Variants in PLPPR1 observed in about 807,000 individuals in gnomAD.
PLPPR1 encodes the protein phospholipid phosphatase-related protein type 1.
PLPPR1 carries 10 observed loss-of-function variants against 33.1 expected under a neutral mutation model. The ratio of observed to expected loss-of-function variants is 0.30; its 90% confidence interval spans 0.19 to 0.51. The LOEUF is 0.51. PLPPR1 is among the 20% of genes least tolerant of loss of function. The pLI, the probability that PLPPR1 is intolerant of heterozygous loss-of-function variation, is 0.97. For synonymous variants in PLPPR1, 151 were observed against 151.0 expected (o/e 1.00, Z 0.00); for missense variants, 304 against 408.1 (o/e 0.74, Z 2.20).
intron 7 of PLPPR1, 143 bp from the exon 8 acceptor site, chr9:101,323,882 G>A (rs373804699): frequency 2.1e-5 from 11 of 521,626 alleles, no homozygotes; most frequent in East Asian, 9.4e-5. Context: ...GGAAATTCAG[G>A]GGCCTTGGAA....
At chr9:101,124,180 C>G (rs1301194454) in intron 1 of PLPPR1, among the ~76,000 whole-genome samples, 1 of 152,172 alleles carries the variant, frequency 6.6e-6, no homozygotes, top group Non-Finnish European at 1.5e-5. Flanking sequence ...TTTCTTAGCC[C>G]TTATTCAAAC....
chr9:101,238,428 C>T (rs1827378788), intron 2 of PLPPR1, among the ~76,000 whole-genome samples: 3 of 147,876 alleles, frequency 2.0e-5, no homozygotes, highest in Admixed American at 1.4e-4. Context: ...TATATATGCA[C>T]ACAATGGAAT....
At position 101,324,224 on chromosome 9, in the gene PLPPR1, A is replaced by ATTTTT; in HGVS notation, c.*181_*185dup. Reference sequence around the variant, plus strand: ...TGAGGAAGTGATGTAGCTTGCCCTGATTTTTTTTTTTTTTTTTTGGTCAGC... The same window carrying ATTTTT: ...TGAGGAAGTGATGTAGCTTGCCCTGATTTTTTTTTTTTTTTTTTTTTTTGGTCAGC... On this transcript the variant is annotated 3_prime_UTR_variant, in exon 8 of 8. Transcript: ENST00000374874. 2.8e-6 allele frequency: 1 copy of ATTTTT among 357,224 alleles called. No individual in the cohort carries two copies. The allele number at this position is 357,224 out of a possible 1,614,324, so 22.1% of individuals were successfully genotyped here.
chr9:101,101,648 A>G, intron 1 of PLPPR1, among the ~76,000 whole-genome samples: 1 of 152,214 alleles, frequency 6.6e-6, no homozygotes, highest in East Asian at 1.9e-4. Context: ...GATGAATGAA[A>G]CGATAAACAA....
chr9:101,261,228 C>T (rs1202615438), intron 2 of PLPPR1, among the ~76,000 whole-genome samples: 1 of 152,126 alleles, frequency 6.6e-6, no homozygotes, highest in Non-Finnish European at 1.5e-5. Context: ...ATTACATGGG[C>T]AATCAGTAAG....
intron 1 of PLPPR1, among the ~76,000 whole-genome samples, chr9:101,042,910 T>G (rs1190353899): frequency 1.3e-5 from 2 of 152,194 alleles, no homozygotes; most frequent in Non-Finnish European, 2.9e-5. Flanking sequence ...TCTCCAGAGC[T>G]GCTTTCCCTT....
At chr9:101,323,610 C>G (rs147686275) in intron 7 of PLPPR1, among the ~76,000 whole-genome samples, 4 of 151,798 alleles carry the variant, frequency 2.6e-5, no homozygotes, top group African/African-American at 9.7e-5. Flanking sequence ...GAGGCTGGGG[C>G]GGGTGGATCA....
At chr9:101,088,285 A>T (rs190566977) in intron 1 of PLPPR1, among the ~76,000 whole-genome samples, 33 of 152,296 alleles carry the variant, frequency 2.2e-4, no homozygotes, top group African/African-American at 7.9e-4. Flanking sequence ...CAAATTTCCA[A>T]TATGTGCAAT....
At position 101,324,102 on chromosome 9, in the gene PLPPR1, T is replaced by A; in HGVS notation, c.*45T>A. The A allele has an allele frequency of 1.3e-6, 2 of 1,542,606 alleles. No individual in the cohort carries two copies. Among genetic ancestry groups the A allele is most frequent in the Non-Finnish European group, 1.8e-6 (2 of 1,116,774 alleles). On this transcript the variant is annotated 3_prime_UTR_variant, in exon 8 of 8. Coordinates refer to ENST00000374874, the MANE Select transcript of PLPPR1 (RefSeq NM_207299.2). ...GCTGTTTTTTAAAATCATCTTCCAA[T>A]TCTATACTTCAAAACACACAGTTGC...
chr9:101,283,107 G>A (rs931813319), intron 3 of PLPPR1, among the ~76,000 whole-genome samples: 4 of 151,972 alleles, frequency 2.6e-5, no homozygotes, highest in African/African-American at 4.8e-5. Context: ...AAAGTGCTAC[G>A]ATCACAGCCG....
At chr9:101,113,632 AAAAAAAC>A (rs1039501363) in intron 1 of PLPPR1, among the ~76,000 whole-genome samples, 91 of 151,108 alleles carry the variant, frequency 6.0e-4, no homozygotes, top group African/African-American at 1.8e-3. Context: ...CAGAAAAAAC[AAAAAAAC>A]AAAAAACAAA....
chr9:101,219,087 G>A (rs1164839090), intron 2 of PLPPR1, among the ~76,000 whole-genome samples: 2 of 152,200 alleles, frequency 1.3e-5, no homozygotes, highest in East Asian at 3.8e-4. Flanking sequence ...CCTCCATCCG[G>A]CTTCTCCCCT....
In PLPPR1 at chr9:101,245,670, C is replaced by G. The variant is rs373689383; in HGVS notation, c.64-24210C>G. Among the ~76,000 whole-genome samples, 11 of 151,776 alleles carry G rather than the reference C, an allele frequency of 7.2e-5. No individual in the cohort carries two copies. The East Asian group carries it at 7.8e-4, about 11-fold the overall frequency. On this transcript the variant is annotated intron_variant, in intron 2 of 7. Transcript: ENST00000374874. ...ACTTGGGAGAGCTCTGTATTCTTACCCAGGTTCTTTTGTTTTCTCTGGAAC... is the reference window on the plus strand; with the variant it reads ...ACTTGGGAGAGCTCTGTATTCTTACGCAGGTTCTTTTGTTTTCTCTGGAAC...
intron 2 of PLPPR1, among the ~76,000 whole-genome samples, chr9:101,201,103 T>C (rs1161020456): frequency 2.0e-5 from 3 of 152,182 alleles, no homozygotes; most frequent in Non-Finnish European, 1.5e-5. Flanking sequence ...CTGCATCCTC[T>C]GGAGGGGACA....
At chr9:101,238,984 GTTTCTC>G (rs1474798053) in intron 2 of PLPPR1, among the ~76,000 whole-genome samples, 3 of 147,556 alleles carry the variant, frequency 2.0e-5, no homozygotes, top group African/African-American at 7.5e-5. Flanking sequence ...CACATGCAGT[GTTTCTC>G]TTTCTGTGCC....
At chr9:101,132,492 C>T (rs1048315865) in intron 1 of PLPPR1, among the ~76,000 whole-genome samples, 13 of 151,968 alleles carry the variant, frequency 8.6e-5, no homozygotes, top group African/African-American at 3.1e-4. Context: ...CAGTGGTTAC[C>T]AGGAGTTGGG....
intron 1 of PLPPR1, among the ~76,000 whole-genome samples, chr9:101,161,273 A>G (rs1334919908): frequency 1.3e-5 from 2 of 152,202 alleles, no homozygotes; most frequent in African/African-American, 4.8e-5. Flanking sequence ...GCTCTAGGAA[A>G]CCAAAGATGA....
At chr9:101,296,967 A>T (rs1398770642) in intron 4 of PLPPR1, among the ~76,000 whole-genome samples, 1 of 152,186 alleles carries the variant, frequency 6.6e-6, no homozygotes, top group Non-Finnish European at 1.5e-5. Context: ...TAAAATTTAA[A>T]AAAACACTAT....
chr9:101,127,253 C>T (rs560664798), intron 1 of PLPPR1, among the ~76,000 whole-genome samples: 1 of 152,334 alleles, frequency 6.6e-6, no homozygotes, highest in Non-Finnish European at 1.5e-5. Context: ...GGGTCTTTGT[C>T]ACCCCATGTT....
Sources: gnomAD v4.1 joint callset for allele counts (sites outside exome capture counted in the v4.1 genomes callset) on GRCh38, gnomAD v4.1.1 for gene constraint, MANE v1.5 for transcripts, NCBI Gene and HGNC (gene_info 2026-07-23, HGNC 2026-07-21) for gene names.